MARCHF1: variants seen among roughly 807,000 people sequenced by gnomAD.
MARCHF1 encodes E3 ubiquitin-protein ligase MARCHF1.
Under a neutral mutation model 54.2 loss-of-function variants are expected in MARCHF1, and 40 were observed. The ratio of observed to expected loss-of-function variants is 0.74; its 90% CI spans 0.57 to 0.96. The LOEUF (loss-of-function observed/expected upper bound fraction) is 0.96. Ranked by LOEUF, MARCHF1 falls within the 40% of genes least tolerant of loss-of-function variation. The probability of loss-of-function intolerance (pLI) is 0.00; values close to 1 mark genes in which losing one functional copy is unlikely to be tolerated. For synonymous variants in MARCHF1, 236 were observed against 236.3 expected (o/e 1.00, Z 0.01); for missense variants, 586 against 656.5 (o/e 0.89, Z 1.17).
At chr4:163,841,976 C>T (rs1749352607) in intron 4 of MARCHF1, among the ~76,000 whole-genome samples, 1 of 152,036 alleles carries the variant, frequency 6.6e-6, no homozygotes, top group Non-Finnish European at 1.5e-5. Flanking sequence ...TTACAGTTGA[C>T]AATTACTATG....
chr4:164,279,886 A>T (rs1441183659), intron 1 of MARCHF1, among the ~76,000 whole-genome samples: 3 of 151,804 alleles, frequency 2.0e-5, no homozygotes, highest in Non-Finnish European at 4.4e-5. Flanking sequence ...AATTATAAAT[A>T]GAATATTATC....
intron 2 of MARCHF1, among the ~76,000 whole-genome samples, chr4:164,031,172 G>T (rs2110992510): frequency 6.6e-6 from 1 of 152,234 alleles, no homozygotes; most frequent in Non-Finnish European, 1.5e-5. Flanking sequence ...AATGCTTCAA[G>T]CTTTTGGTCA....
intron 9 of MARCHF1, among the ~76,000 whole-genome samples, chr4:163,538,347 A>C (rs1480670602): frequency 6.6e-6 from 1 of 151,974 alleles, no homozygotes; most frequent in Admixed American, 6.6e-5. Flanking sequence ...TTTCACACAC[A>C]CACACAAATC....
chr4:163,995,614 G>A (rs1753061059), intron 2 of MARCHF1, among the ~76,000 whole-genome samples: 1 of 152,056 alleles, frequency 6.6e-6, no homozygotes, highest in Non-Finnish European at 1.5e-5. Context: ...GATTTTAGGA[G>A]TTGTATGCTA....
Position 163,788,560 on chromosome 4 carries a change from G to A in MARCHF1, c.111+65461C>T, listed in dbSNP as rs551399178. Among the ~76,000 whole-genome samples the A allele has an allele frequency of 3.3e-5, 5 of 151,812 alleles. No individual in the cohort carries two copies. The East Asian group carries it at 9.7e-4, about 29-fold the overall frequency. On this transcript the variant is annotated intron_variant, in intron 4 of 9. Coordinates refer to ENST00000514618, the MANE Select transcript of MARCHF1 (RefSeq NM_001394959.1). ...GACACTTTTGAAGAGTTCTAGCCAG[G>A]GATTTTATAGACTGTCTATCAATTT...
chr4:163,809,708 T>A lies in MARCHF1; in HGVS notation c.111+44313A>T, dbSNP rs76265143. Among the ~76,000 whole-genome samples, 947 of 151,390 alleles carry A rather than the reference T, an allele frequency of 6.3e-3. 6 individuals are homozygous for A. The highest frequency in any genetic ancestry group is 0.016 in the South Asian group (76 of 4,822). On this transcript the variant is annotated intron_variant, in intron 4 of 9. Coordinates refer to ENST00000514618, the MANE Select transcript of MARCHF1 (RefSeq NM_001394959.1). ...ATATATCATGTATATTATATACATATACATGTATTTACACATACATGTAAA... is the reference window on the plus strand; with the variant it reads ...ATATATCATGTATATTATATACATAAACATGTATTTACACATACATGTAAA...
At chr4:163,653,434 A>G (rs1452785666) in intron 5 of MARCHF1, among the ~76,000 whole-genome samples, 1 of 151,654 alleles carries the variant, frequency 6.6e-6, no homozygotes, top group East Asian at 1.9e-4. Context: ...ATATTTGAAA[A>G]TTTTCTTAAT....
chr4:164,129,296 A>G (rs567091905), intron 1 of MARCHF1, among the ~76,000 whole-genome samples: 1 of 152,280 alleles, frequency 6.6e-6, no homozygotes, highest in Non-Finnish European at 1.5e-5. Flanking sequence ...TTATAACTCT[A>G]ATTTATTTTA....
At chr4:164,221,098 T>C (rs1341316033) in intron 1 of MARCHF1, among the ~76,000 whole-genome samples, 1 of 152,054 alleles carries the variant, frequency 6.6e-6, no homozygotes, top group East Asian at 1.9e-4. Context: ...GTAATGGGCA[T>C]TGTCACATTT....
chr4:164,040,659 G>GT (rs1411825763), intron 2 of MARCHF1, among the ~76,000 whole-genome samples: 2 of 151,624 alleles, frequency 1.3e-5, no homozygotes, highest in Non-Finnish European at 2.9e-5. Flanking sequence ...AAAGCTTTAG[G>GT]TTTTGCAGTA....
At chr4:163,533,214 C>A (rs1189964577) in intron 9 of MARCHF1, among the ~76,000 whole-genome samples, 1 of 151,800 alleles carries the variant, frequency 6.6e-6, no homozygotes, top group East Asian at 1.9e-4. Flanking sequence ...CACGAAGAAA[C>A]CTTAAATGTA....
At position 163,863,293 on chromosome 4, in the gene MARCHF1, C is replaced by T. The variant is rs181547974; in HGVS notation, c.-38-9124G>A. 7.4e-4 allele frequency among the ~76,000 whole-genome samples: 113 copies of T among 152,134 alleles called. No individual in the cohort carries two copies. In the Middle Eastern group the frequency reaches 0.02, roughly 27 times the overall value. On this transcript the variant is annotated intron_variant, in intron 3 of 9. Coordinates refer to ENST00000514618, the MANE Select transcript of MARCHF1 (RefSeq NM_001394959.1). Reference sequence around the variant, plus strand: ...AAAATGTGCTGACCTAAGCTAAGTACCTTTAGAAAGGAGTGCAGTCTGAAA... The same window carrying T: ...AAAATGTGCTGACCTAAGCTAAGTATCTTTAGAAAGGAGTGCAGTCTGAAA...
At chr4:163,806,407 C>T (rs1748224779) in intron 4 of MARCHF1, among the ~76,000 whole-genome samples, 1 of 152,186 alleles carries the variant, frequency 6.6e-6, no homozygotes, top group Non-Finnish European at 1.5e-5. Context: ...CAATCCCTTT[C>T]TTTCCACCCA....
chr4:163,998,395 GTTAA>G (rs1483846906), intron 2 of MARCHF1, among the ~76,000 whole-genome samples: 7 of 151,566 alleles, frequency 4.6e-5, no homozygotes, highest in East Asian at 1.9e-4. Flanking sequence ...TAATACTCAT[GTTAA>G]TTAATATTAA....
intron 1 of MARCHF1, among the ~76,000 whole-genome samples, chr4:164,159,835 A>G (rs10004414): frequency 0.19 from 29,035 of 152,044 alleles, 4,420 homozygotes; most frequent in African/African-American, 0.41. Context: ...CGCCACTTAA[A>G]AGCTGCCTGA....
rs935303865 is a variant in MARCHF1, at chr4:164,100,785, C to T, written c.-248+10803G>A. Reference sequence around the variant, plus strand: ...CAAGATGGCCGAATAGGAACAGCTCCGGTCTACAGCTCCCAGCTTGAGCTA... The same window carrying T: ...CAAGATGGCCGAATAGGAACAGCTCTGGTCTACAGCTCCCAGCTTGAGCTA... On this transcript the variant is annotated intron_variant, in intron 2 of 9. Transcript: ENST00000514618. Among the ~76,000 whole-genome samples the T allele has an allele frequency of 5.9e-5, 9 of 152,206 alleles. No individual in the cohort carries two copies. In the South Asian group the frequency reaches 8.3e-4, roughly 14 times the overall value.
chr4:163,638,896 A>G (rs1742450898), intron 5 of MARCHF1, among the ~76,000 whole-genome samples: 1 of 152,202 alleles, frequency 6.6e-6, no homozygotes, highest in South Asian at 2.1e-4. Flanking sequence ...ACATTGTTGA[A>G]ACTTCAAGAC....
chr4:164,220,767 A>C (rs938887455), intron 1 of MARCHF1, among the ~76,000 whole-genome samples: 2 of 136,632 alleles, frequency 1.5e-5, no homozygotes, highest in African/African-American at 5.1e-5. Context: ...AATATATATG[A>C]TATATTTTTT....
chr4:164,106,255 C>G (rs1160326430), intron 2 of MARCHF1, among the ~76,000 whole-genome samples: 7 of 125,328 alleles, frequency 5.6e-5, no homozygotes, highest in Non-Finnish European at 8.2e-5. Context: ...ACCCAGCCAT[C>G]CCATTACTGG....
Sources: gnomAD v4.1 joint callset for allele counts (sites outside exome capture counted in the v4.1 genomes callset) on GRCh38, gnomAD v4.1.1 for gene constraint, MANE v1.5 for transcripts, NCBI Gene and HGNC (gene_info 2026-07-23, HGNC 2026-07-21) for gene names.